The following KIF26A variants were observed in gnomAD, a reference collection of about 807,000 sequenced individuals.
KIF26A encodes the protein kinesin-like protein KIF26A.
Under a neutral mutation model 126.0 loss-of-function variants are expected in KIF26A, and 74 were observed. That is an observed-to-expected ratio of 0.59 (90% CI 0.49 to 0.71). KIF26A has a LOEUF of 0.71. KIF26A is among the 30% of genes least tolerant of loss of function. The probability of loss-of-function intolerance (pLI) is 0.00; values close to 1 mark genes in which losing one functional copy is unlikely to be tolerated. For synonymous variants in KIF26A, 1,445 were observed against 1,232.7 expected, an observed-to-expected ratio of 1.17 and a Z score of -3.61; for missense variants, 2,984 against 2,763.3, an observed-to-expected ratio of 1.08 and a Z score of -1.79.
At chr14:104,172,431 T>G in intron 6 of KIF26A, 144 bp from the exon 7 acceptor site, 1 of 612,818 alleles carries the variant, frequency 1.6e-6, no homozygotes, top group Non-Finnish European at 2.9e-6. Flanking sequence ...CGTGTGCACA[T>G]GGGATCTGTC....
At chr14:104,166,780 C>T (rs377079365) in intron 4 of KIF26A, 79 bp from the exon 5 acceptor site, 161 of 1,333,892 alleles carry the variant, frequency 1.2e-4, no homozygotes, top group Middle Eastern at 2.6e-4. Flanking sequence ...AGGGTGGGAT[C>T]GCCTGGTGAC....
Position 104,176,825 on chromosome 14 carries a change from T to C in KIF26A, c.4037T>C (p.Leu1346Pro). The C allele has an allele frequency of 1.5e-5, 23 of 1,554,190 alleles. No individual in the cohort carries two copies. The highest frequency in any genetic ancestry group is 2.0e-5 in the Non-Finnish European group (23 of 1,150,480). The part of the protein sequence containing the change: ...LKASPTSKKG[L>P]APKAGFLPRP... ...GCCTCCCCCACCAGCAAGAAGGGTC[T>C]GGCTCCCAAGGCGGGCTTCCTCCCG... The change falls in exon 12 of 15, where the codon CTG (leucine) becomes CCG (proline). Residue 1346 changes from leucine (L) to proline (P), a missense_variant. Physicochemically the swap from Leu to Pro is moderately conservative, Grantham distance 98 (BLOSUM62 -3). Coordinates refer to ENST00000423312, the MANE Select transcript of KIF26A (RefSeq NM_015656.2).
At chr14:104,160,899 C>T (rs1825525224) in intron 4 of KIF26A, among the ~76,000 whole-genome samples, 2 of 152,224 alleles carry the variant, frequency 1.3e-5, no homozygotes, top group South Asian at 2.1e-4. Flanking sequence ...ATGGCACTTG[C>T]AGGTACCCAG....
rs373679220 is a variant in KIF26A at position 104,176,040 on chromosome 14, C to T, written c.3252C>T (p.Asp1084=). 152 of 1,595,110 alleles carry T rather than the reference C, an allele frequency of 9.5e-5. No homozygotes were observed. The highest frequency in any genetic ancestry group is 5.6e-4 in the African/African-American group (42 of 74,844). Residue 1084 remains aspartate, a synonymous_variant, in exon 12 of 15, where the codon GAC becomes GAT. Transcript: ENST00000423312. ...TCAGCAGCATCAATGATGAGTTTGA[C>T]GCCTACACCTCTCAGGCCCCTGAGG... ...SIISSINDEF[D]AYTSQAPEGG...
intron 4 of KIF26A, among the ~76,000 whole-genome samples, chr14:104,166,178 G>GCAGGGGTCA (rs1555389009): frequency 1.4e-5 from 2 of 138,466 alleles, no homozygotes; most frequent in Admixed American, 7.0e-5. Flanking sequence ...GACGAGGGTG[G>GCAGGGGTCA]CAGGGGCCCA....
intron 11 of KIF26A, 56 bp downstream of exon 11, chr14:104,174,366 C>T: frequency 6.9e-7 from 1 of 1,440,216 alleles, no homozygotes; most frequent in Non-Finnish European, 9.2e-7. Context: ...CCTGTGTCCA[C>T]TGCAGGCCTC....
At chr14:104,168,708 G>A (rs955013351) in intron 5 of KIF26A, among the ~76,000 whole-genome samples, 2 of 152,226 alleles carry the variant, frequency 1.3e-5, no homozygotes, top group Non-Finnish European at 2.9e-5. Context: ...TCCGTTTGTG[G>A]TAAGGAGGGC....
At chr14:104,179,212 GC>G in intron 13 of KIF26A, 23 bp from the exon 14 acceptor site, 4 of 1,441,282 alleles carry the variant, frequency 2.8e-6, no homozygotes, top group East Asian at 2.6e-5. Context: ...CCATGCCTGA[GC>G]CCCCGCCCGC....
At chr14:104,146,303 G>A (rs2037680238) in intron 2 of KIF26A, among the ~76,000 whole-genome samples, 1 of 152,168 alleles carries the variant, frequency 6.6e-6, no homozygotes, top group Non-Finnish European at 1.5e-5. Flanking sequence ...GGGTGATTGG[G>A]AGAAGGCTCG....
intron 2 of KIF26A, among the ~76,000 whole-genome samples, chr14:104,141,057 G>C (rs949467028): frequency 9.9e-5 from 15 of 152,240 alleles, no homozygotes; most frequent in Non-Finnish European, 1.8e-4. Flanking sequence ...GGCCTTACGG[G>C]TGTCATTGTC....
chr14:104,144,158 G>C (rs1047691927), intron 2 of KIF26A, among the ~76,000 whole-genome samples: 3 of 152,166 alleles, frequency 2.0e-5, no homozygotes, highest in African/African-American at 7.2e-5. Flanking sequence ...CCTTGTGCTC[G>C]TCTTGTCTCT....
At chr14:104,156,970 G>A (rs553645475) in intron 3 of KIF26A, among the ~76,000 whole-genome samples, 22 of 152,250 alleles carry the variant, frequency 1.4e-4, no homozygotes, top group Non-Finnish European at 2.4e-4. Context: ...GAGAGCTTGG[G>A]GCACTGGGCC....
At chr14:104,179,033 G>A (rs543755463) in intron 13 of KIF26A, among the ~76,000 whole-genome samples, 241 of 152,306 alleles carry the variant, frequency 1.6e-3, no homozygotes, top group African/African-American at 5.4e-3. Context: ...CCCTGTCGTG[G>A]GGAGGGTGGT....
At chr14:104,173,536 CG>C in intron 9 of KIF26A, 23 bp downstream of exon 9, 2 of 1,529,126 alleles carry the variant, frequency 1.3e-6, no homozygotes, top group Non-Finnish European at 8.8e-7. Context: ...CCCGCACTCC[CG>C]GGCCCCTGTG....
chr14:104,141,461 C>T (rs2887436), intron 2 of KIF26A, among the ~76,000 whole-genome samples: 78,758 of 152,090 alleles, frequency 0.52, 22,368 homozygotes, highest in Non-Finnish European at 0.64. Flanking sequence ...TGCTGGGACC[C>T]GGCCTGGCTA....
intron 4 of KIF26A, among the ~76,000 whole-genome samples, chr14:104,165,343 G>C (rs1478646121): frequency 1.5e-5 from 2 of 136,940 alleles, no homozygotes; most frequent in Admixed American, 7.1e-5. Flanking sequence ...CTGTGTGTCT[G>C]TATCATGTGT....
chr14:104,178,975 G>A (rs1566867692), intron 13 of KIF26A, among the ~76,000 whole-genome samples: 1 of 152,190 alleles, frequency 6.6e-6, no homozygotes. Flanking sequence ...GCAGTGGGTG[G>A]GTGGCTGGGG....
chr14:104,138,799 G>A, intron 1 of KIF26A, 35 bp downstream of exon 1: 3 of 1,258,744 alleles, frequency 2.4e-6, no homozygotes, highest in Non-Finnish European at 3.0e-6. Context: ...GGAGGCGGGC[G>A]GCGGGGGCCC....
intron 14 of KIF26A, 72 bp downstream of exon 14, chr14:104,179,458 C>G: frequency 6.9e-7 from 1 of 1,438,992 alleles, no homozygotes; most frequent in Non-Finnish European, 9.1e-7. Context: ...CCTCCCAGAG[C>G]CCTGTTGCTC....
Sources: allele counts gnomAD v4.1 joint callset (sites outside exome capture counted in the v4.1 genomes callset), GRCh38; gene constraint gnomAD v4.1.1; transcripts MANE v1.5; gene names NCBI Gene and HGNC (gene_info 2026-07-23, HGNC 2026-07-21).